Variants in OPCML observed in about 807,000 individuals in gnomAD.
OPCML encodes the protein opioid-binding protein/cell adhesion molecule.
A neutral mutation model predicts 37.8 loss-of-function variants in OPCML; 13 were observed. That is an observed-to-expected ratio of 0.34 (90% CI 0.22 to 0.55). OPCML has a LOEUF of 0.55. OPCML is among the 20% of genes least tolerant of loss of function. The pLI, the probability that OPCML is intolerant of heterozygous loss-of-function variation, is 0.91. For synonymous variants in OPCML, 176 were observed against 168.8 expected, an observed-to-expected ratio of 1.04 and a Z score of -0.33; for missense variants, 341 against 435.6, an observed-to-expected ratio of 0.78 and a Z score of 1.93.
chr11:132,943,329 A>G lies in OPCML; in HGVS notation c.62-319T>C, dbSNP rs1945649800. On this transcript the variant is annotated intron_variant, in intron 1 of 7. Transcript: ENST00000524381. The surrounding 1 kb of genome is among the most constrained non-coding windows in gnomAD (Gnocchi z 4.3). The stretch of plus-strand genomic sequence containing the variant: ...GATGCCCCCTCCTGCATCCAAAAAG[A>G]GCTTTCTTGACGCTCCCCTGGGGAG... 4 of 602,362 alleles carry G rather than the reference A, an allele frequency of 6.6e-6. No individual in the cohort carries two copies. The highest frequency in any genetic ancestry group is 3.0e-5 in the Admixed American group (1 of 33,156). 37.3% of individuals were successfully genotyped at this position (602,362 alleles called of 1,614,324 possible).
intron 1 of OPCML, among the ~76,000 whole-genome samples, chr11:133,125,990 G>A (rs890163850): frequency 4.8e-5 from 7 of 145,008 alleles, no homozygotes; most frequent in Admixed American, 1.4e-4. Context: ...ATAGACACAC[G>A]TATATATACA....
intron 4 of OPCML, among the ~76,000 whole-genome samples, chr11:132,484,831 C>T (rs1360275365): frequency 6.6e-5 from 10 of 152,084 alleles, no homozygotes; most frequent in South Asian, 2.1e-4. Context: ...AAAAACCAAA[C>T]GCTGCATATT....
chr11:132,523,087 T>G (rs1385925267), intron 4 of OPCML, among the ~76,000 whole-genome samples: 1 of 152,128 alleles, frequency 6.6e-6, no homozygotes, highest in African/African-American at 2.4e-5. Context: ...CAGGCGTGGT[T>G]GTAGAGATGG....
At chr11:133,496,805 G>A (rs1012748182) in intron 1 of OPCML, among the ~76,000 whole-genome samples, 4 of 152,170 alleles carry the variant, frequency 2.6e-5, no homozygotes, top group African/African-American at 9.7e-5. Flanking sequence ...TTCTGGAGGA[G>A]TCCTTAGGGT....
intron 1 of OPCML, among the ~76,000 whole-genome samples, chr11:133,338,679 C>T (rs1326849387): frequency 6.6e-6 from 1 of 152,202 alleles, no homozygotes. Context: ...AAAAAGGTGC[C>T]TCATTCTAGC....
chr11:132,846,554 C>T (rs1236951328), intron 2 of OPCML, among the ~76,000 whole-genome samples: 1 of 152,184 alleles, frequency 6.6e-6, no homozygotes, highest in African/African-American at 2.4e-5. Flanking sequence ...CTTTTAACTC[C>T]ACCACGGTAA....
At chr11:133,433,625 G>A (rs1417642372) in intron 1 of OPCML, among the ~76,000 whole-genome samples, 3 of 152,148 alleles carry the variant, frequency 2.0e-5, no homozygotes, top group Non-Finnish European at 4.4e-5. Flanking sequence ...CACAGGAGTC[G>A]TGAATTAACA....
At chr11:132,813,957 CGT>C (rs1255625342) in intron 2 of OPCML, among the ~76,000 whole-genome samples, 1 of 152,178 alleles carries the variant, frequency 6.6e-6, no homozygotes, top group Non-Finnish European at 1.5e-5. Flanking sequence ...TTTCAAATAA[CGT>C]GTCCATCGCC....
At chr11:132,923,470 C>A (rs1001591111) in intron 2 of OPCML, among the ~76,000 whole-genome samples, 10 of 152,096 alleles carry the variant, frequency 6.6e-5, no homozygotes, top group Admixed American at 6.5e-4. Context: ...TTGGAAGTAG[C>A]ATTTGAGAGA....
intron 4 of OPCML, among the ~76,000 whole-genome samples, chr11:132,473,293 A>T (rs2096143850): frequency 6.6e-6 from 1 of 152,228 alleles, no homozygotes; most frequent in Non-Finnish European, 1.5e-5. Context: ...AGGACAGAAA[A>T]AGAGCCCTCG....
At chr11:133,113,112 G>T (rs1480032090) in intron 1 of OPCML, among the ~76,000 whole-genome samples, 1 of 152,158 alleles carries the variant, frequency 6.6e-6, no homozygotes, top group African/African-American at 2.4e-5. Flanking sequence ...TGACAGTGCT[G>T]GGTCTGTTCC....
At chr11:133,415,632 C>T (rs907735011) in intron 1 of OPCML, among the ~76,000 whole-genome samples, 5 of 152,258 alleles carry the variant, frequency 3.3e-5, no homozygotes, top group African/African-American at 7.2e-5. Context: ...CCCTGATCCC[C>T]GGAACCTGTG....
chr11:133,255,696 T>C (rs995192582), intron 1 of OPCML, among the ~76,000 whole-genome samples: 15 of 152,172 alleles, frequency 9.9e-5, no homozygotes, highest in Admixed American at 6.5e-5. Context: ...CAAGCTGGTA[T>C]ATGGAATCTT....
At chr11:132,786,885 G>C (rs1262577540) in intron 2 of OPCML, among the ~76,000 whole-genome samples, 1 of 152,174 alleles carries the variant, frequency 6.6e-6, no homozygotes, top group Non-Finnish European at 1.5e-5. Flanking sequence ...GGGTGTACAG[G>C]AGGCTGGGTG....
chr11:133,171,489 TA>T (rs1470650612), intron 1 of OPCML, among the ~76,000 whole-genome samples: 2 of 152,216 alleles, frequency 1.3e-5, no homozygotes, highest in African/African-American at 4.8e-5. Context: ...TCAGTATTTT[TA>T]GTTCTTAAAA....
chr11:133,200,010 C>T (rs149889320), intron 1 of OPCML, among the ~76,000 whole-genome samples: 172 of 152,268 alleles, frequency 1.1e-3, no homozygotes, highest in African/African-American at 3.9e-3. Context: ...CCAGCCTTCA[C>T]GAGACTGTCC....
intron 1 of OPCML, among the ~76,000 whole-genome samples, chr11:133,516,919 G>T (rs1211940669): frequency 1.3e-5 from 2 of 152,154 alleles, no homozygotes; most frequent in African/African-American, 4.8e-5. Context: ...TAGCATTGTT[G>T]AAGAACACTA....
At chr11:132,858,986 C>T (rs1047485800) in intron 2 of OPCML, among the ~76,000 whole-genome samples, 3 of 152,084 alleles carry the variant, frequency 2.0e-5, no homozygotes, top group African/African-American at 7.2e-5. Context: ...GCCAAGGGTA[C>T]TTGATTGATT....
chr11:133,069,814 T>C (rs907485646), intron 1 of OPCML, among the ~76,000 whole-genome samples: 27 of 152,212 alleles, frequency 1.8e-4, no homozygotes, highest in African/African-American at 5.8e-4. Flanking sequence ...CATGATAGAA[T>C]TGCTTTTTCA....
Sources: gnomAD v4.1 joint callset for allele counts (sites outside exome capture counted in the v4.1 genomes callset) on GRCh38, gnomAD v4.1.1 for gene constraint, Gnocchi (gnomAD v3.1) non-coding constraint, MANE v1.5 for transcripts, NCBI Gene and HGNC (gene_info 2026-07-23, HGNC 2026-07-21) for gene names.